Variants in SESN1 observed in about 807,000 individuals in gnomAD.
SESN1 encodes the protein sestrin-1.
In SESN1, 30 loss-of-function variants were observed where a neutral mutation model predicts 59.3. The observed-to-expected ratio is 0.51, with a 90% CI of 0.38 to 0.69. SESN1 has a LOEUF of 0.69. Among genes scored for constraint, SESN1 ranks in the 30% least tolerant of loss-of-function variants. The pLI, the probability that SESN1 is intolerant of heterozygous loss-of-function variation, is 0.00. For synonymous variants in SESN1, 197 were observed against 219.9 expected, an observed-to-expected ratio of 0.90 and a Z score of 0.92; for missense variants, 566 against 673.0, an observed-to-expected ratio of 0.84 and a Z score of 1.76.
intron 1 of SESN1, among the ~76,000 whole-genome samples, chr6:109,024,071 T>C (rs1203642868): frequency 1.3e-5 from 2 of 152,168 alleles, no homozygotes; most frequent in African/African-American, 4.8e-5. Context: ...CATTTCATTA[T>C]ATCTCAATTG....
chr6:109,083,629 G>T (rs189368601), intron 1 of SESN1, among the ~76,000 whole-genome samples: 222 of 152,286 alleles, frequency 1.5e-3, no homozygotes, highest in African/African-American at 5.1e-3. Context: ...TGTTCAATGA[G>T]AAAGTAGATA....
chr6:109,028,346 C>T lies in SESN1; in HGVS notation c.280-26003G>A, dbSNP rs117511578. Among the ~76,000 whole-genome samples the T allele has an allele frequency of 7.3e-3, 1,105 of 152,194 alleles. 5 individuals are homozygous for T. Among genetic ancestry groups the T allele is most frequent in the Non-Finnish European group, 0.011 (769 of 68,012 alleles). ...AATAATTATTAAACATTCTACAGTA[C>T]AGATAACTTTTTGGAGTAGGGGAAG... On this transcript the variant is annotated intron_variant, in intron 1 of 9. Coordinates refer to ENST00000436639, the MANE Select transcript of SESN1 (RefSeq NM_014454.3).
chr6:109,021,336 A>T (rs1380546526), intron 1 of SESN1, among the ~76,000 whole-genome samples: 1 of 152,202 alleles, frequency 6.6e-6, no homozygotes, highest in Non-Finnish European at 1.5e-5. Context: ...AGGATGCTGT[A>T]AAATAAGTGT....
At chr6:109,023,690 C>G (rs1465897688) in intron 1 of SESN1, among the ~76,000 whole-genome samples, 1 of 152,130 alleles carries the variant, frequency 6.6e-6, no homozygotes, top group African/African-American at 2.4e-5. Context: ...CATTATGTTA[C>G]AGGCTTTGCA....
At chr6:109,045,412 G>A (rs1273972325) in intron 1 of SESN1, among the ~76,000 whole-genome samples, 2 of 152,058 alleles carry the variant, frequency 1.3e-5, no homozygotes, top group South Asian at 2.1e-4. Flanking sequence ...TCCTTTATAG[G>A]TTCCCCCTAA....
Position 108,986,519 on chromosome 6 carries a change from C to CAAAGT in SESN1, c.*1020_*1024dup, listed in dbSNP as rs1425283739. On this transcript the variant is annotated 3_prime_UTR_variant, in exon 10 of 10. Coordinates refer to ENST00000436639, the MANE Select transcript of SESN1 (RefSeq NM_014454.3). ...AAAAGCAATTCACGCTTCCAGAATA[C>CAAAGT]AAAGTACTTAATACATATTTTCAAA... is the stretch of plus-strand genomic sequence containing the variant. 1 of 152,648 alleles carries CAAAGT rather than the reference C, an allele frequency of 6.6e-6. No individual in the cohort carries two copies. The highest frequency in any genetic ancestry group is 1.5e-5 in the Non-Finnish European group (1 of 68,040). 9.5% of individuals were successfully genotyped at this position (152,648 alleles called of 1,614,324 possible).
chr6:109,075,658 G>T (rs2114470378), intron 1 of SESN1, among the ~76,000 whole-genome samples: 1 of 152,296 alleles, frequency 6.6e-6, no homozygotes, highest in Non-Finnish European at 1.5e-5. Context: ...TGAGCCTTCA[G>T]ATGAGACCAT....
intron 1 of SESN1, among the ~76,000 whole-genome samples, chr6:109,027,199 G>T (rs184700456): frequency 1.3e-4 from 20 of 151,836 alleles, no homozygotes; most frequent in African/African-American, 4.6e-4. Context: ...TTGGCTGGGG[G>T]TGGTGGCTCA....
chr6:109,009,460 T>A (rs1486164673), intron 1 of SESN1: 1 of 1,304,312 alleles, frequency 7.7e-7, no homozygotes, highest in Non-Finnish European at 9.8e-7. Flanking sequence ...GCCAAGCGCA[T>A]GTCGGCGCGG....
chr6:109,044,790 G>A (rs567753187), intron 1 of SESN1, among the ~76,000 whole-genome samples: 28 of 152,218 alleles, frequency 1.8e-4, no homozygotes, highest in African/African-American at 6.5e-4. Context: ...TTGGGAGGTC[G>A]AGGAGGGCAG....
intron 1 of SESN1, among the ~76,000 whole-genome samples, chr6:109,080,432 T>C (rs1162934221): frequency 6.6e-6 from 1 of 152,166 alleles, no homozygotes; most frequent in Admixed American, 6.5e-5. Flanking sequence ...TCTCAGTCCA[T>C]AGAATCCTTG....
chr6:109,086,935 C>T (rs151331634), intron 1 of SESN1, among the ~76,000 whole-genome samples: 208 of 152,158 alleles, frequency 1.4e-3, no homozygotes, highest in African/African-American at 4.8e-3. Flanking sequence ...AGTTCAAGAC[C>T]AGCCTGGCCA....
chr6:109,058,690 A>G (rs1780678457), intron 1 of SESN1, among the ~76,000 whole-genome samples: 2 of 152,172 alleles, frequency 1.3e-5, no homozygotes, highest in African/African-American at 2.4e-5. Context: ...TTTTCTTTCC[A>G]AGTGTACAAT....
chr6:109,024,537 C>T (rs1448981282), intron 1 of SESN1, among the ~76,000 whole-genome samples: 1 of 152,156 alleles, frequency 6.6e-6, no homozygotes, highest in Non-Finnish European at 1.5e-5. Flanking sequence ...GGACAAAATA[C>T]CTAAAAATAT....
intron 7 of SESN1, among the ~76,000 whole-genome samples, chr6:108,992,064 T>C (rs184154015): frequency 5.3e-5 from 8 of 152,284 alleles, no homozygotes; most frequent in Non-Finnish European, 1.2e-4. Context: ...ATAATTATTC[T>C]ATAACTCTTC....
At chr6:109,051,602 A>C (rs1281098435) in intron 1 of SESN1, among the ~76,000 whole-genome samples, 5 of 152,250 alleles carry the variant, frequency 3.3e-5, no homozygotes, top group African/African-American at 1.2e-4. Flanking sequence ...AATTGTGGTC[A>C]CTGGTTTTCT....
chr6:108,990,924 C>A, intron 7 of SESN1, 89 bp from the exon 8 acceptor site: 1 of 1,164,542 alleles, frequency 8.6e-7, no homozygotes, highest in South Asian at 1.6e-5. Flanking sequence ...AAATCATTGT[C>A]ATTTGGCTGA....
chr6:108,989,750 G>A (rs1779324879), intron 8 of SESN1, among the ~76,000 whole-genome samples: 1 of 152,156 alleles, frequency 6.6e-6, no homozygotes, highest in African/African-American at 2.4e-5. Flanking sequence ...TCTATACTTA[G>A]GAGAGCCTAT....
intron 1 of SESN1, among the ~76,000 whole-genome samples, chr6:109,086,876 G>T (rs1183547908): frequency 6.6e-6 from 1 of 152,164 alleles, no homozygotes; most frequent in Non-Finnish European, 1.5e-5. Flanking sequence ...GCTCATGCCC[G>T]TAATCCCAGC....
Sources: allele counts gnomAD v4.1 joint callset (sites outside exome capture counted in the v4.1 genomes callset), GRCh38; gene constraint gnomAD v4.1.1; transcripts MANE v1.5; gene names NCBI Gene and HGNC (gene_info 2026-07-23, HGNC 2026-07-21).